The following KRTAP4-3 variants were observed in gnomAD, a reference collection of about 807,000 sequenced individuals.
KRTAP4-3 encodes the protein keratin-associated protein 4-3.
A neutral mutation model predicts 0.2 loss-of-function variants in KRTAP4-3; 2 were observed. The observed-to-expected ratio is 8.29, with a 90% CI of 3.39 to 26.09. The LOEUF is 26.09. Ranked by LOEUF, KRTAP4-3 falls within the 30% of genes most tolerant of loss-of-function variation. The pLI, the probability that KRTAP4-3 is intolerant of heterozygous loss-of-function variation, is 0.03. For missense variants in KRTAP4-3, 186 were observed against 247.4 expected, an observed-to-expected ratio of 0.75 and a Z score of 1.67; for synonymous variants, 65 against 83.6, an observed-to-expected ratio of 0.78 and a Z score of 1.21.
In KRTAP4-3 at chr17:41,168,168, A is replaced by G; in HGVS notation, c.5T>C (p.Val2Ala). Residue 2 changes from valine (V) to alanine (A), a missense_variant, in exon 1 of 1, where the codon GTC becomes GCC. By Grantham distance (64) the Val-to-Ala change is moderately conservative. Coordinates refer to ENST00000391356, the MANE Select transcript of KRTAP4-3 (RefSeq NM_033187.2). ...GCAGACAGAGCCACAGCAGGAGCTG[A>G]CCATGGCGTCAGAGGGTGGAGGTTC... MVSSCCGSVCSD... is the reference protein window; with the variant it reads MASSCCGSVCSD... 1 of 1,601,966 alleles carries G rather than the reference A, an allele frequency of 6.2e-7. No homozygotes were observed. Among genetic ancestry groups the G allele is most frequent in the South Asian group, 1.1e-5 (1 of 89,524 alleles).
At position 41,167,815 on chromosome 17, in the gene KRTAP4-3, A is replaced by C. The variant is rs1202650858; in HGVS notation, c.358T>G (p.Cys120Gly). 4 of 1,602,442 alleles carry C rather than the reference A, an allele frequency of 2.5e-6. No homozygotes were observed. The highest frequency in any genetic ancestry group is 1.7e-5 in the Admixed American group (1 of 58,444). Reference sequence around the variant, plus strand: ...GTGGTCTGGCAGCAGCTGGGTTTGCAACAGCTAGAGATACAGCAGGAAGGC... The same window carrying C: ...GTGGTCTGGCAGCAGCTGGGTTTGCCACAGCTAGAGATACAGCAGGAAGGC... ...CRPSCCISSC[C>G]KPSCCQTTCC... The change falls in exon 1 of 1, where the codon TGC (cysteine) becomes GGC (glycine). Residue 120 changes from cysteine (C) to glycine (G), a missense_variant. By Grantham distance (159) the Cys-to-Gly change is radical (BLOSUM62 -3). Transcript: ENST00000391356.
At position 41,167,304 on chromosome 17, in the gene KRTAP4-3, A is replaced by G. The variant is rs2015055471; in HGVS notation, c.*281T>C. On this transcript the variant is annotated 3_prime_UTR_variant, in exon 1 of 1. Coordinates refer to ENST00000391356, the MANE Select transcript of KRTAP4-3 (RefSeq NM_033187.2). ...CATGAAAATTGATACCACAGAAAACATTAGGAAGAAACATCTAGAAGGATA... is the reference window on the plus strand; with the variant it reads ...CATGAAAATTGATACCACAGAAAACGTTAGGAAGAAACATCTAGAAGGATA... The G allele has an allele frequency of 3.0e-6, 1 of 330,552 alleles. No homozygotes were observed. The highest frequency in any genetic ancestry group is 5.5e-6 in the Non-Finnish European group (1 of 182,834). 20.5% of individuals were successfully genotyped at this position (330,552 alleles called of 1,614,324 possible). A position where few individuals can be genotyped will look rare whatever the true frequency, so the allele number is the denominator to read the frequency against.
At position 41,167,719 on chromosome 17, in the gene KRTAP4-3, G is replaced by A. The variant is rs428371; in HGVS notation, c.454C>T (p.Pro152Ser). The change falls in exon 1 of 1, where the codon CCG becomes TCG. Residue 152 changes from proline (P) to serine (S), a missense_variant. Coordinates refer to ENST00000391356, the MANE Select transcript of KRTAP4-3 (RefSeq NM_033187.2). ...CAGCAACTAGAAATGCAGCAAGCCG[G>A]GCGGCAGCAGGAGGGCTGGCAGCAC... Reference protein sequence around the residue: ...PQCCQPSCCRPACCISSCCHP... With the variant: ...PQCCQPSCCRSACCISSCCHP... 29,451 of 1,613,794 alleles carry A rather than the reference G, an allele frequency of 0.018. 4,570 individuals carry two copies. In the African/African-American group the frequency reaches 0.34, roughly 19 times the overall value.
At position 41,168,219 on chromosome 17, in the gene KRTAP4-3, T is replaced by C; in HGVS notation, c.-47A>G. On this transcript the variant is annotated 5_prime_UTR_variant, in exon 1 of 1. Transcript: ENST00000391356. Reference sequence around the variant, plus strand: ...TGGGTGGGTTCCCAGGAGAATGAGGTTCTGGAGTTTAGAAGTCTCCTTGAG... The same window carrying C: ...TGGGTGGGTTCCCAGGAGAATGAGGCTCTGGAGTTTAGAAGTCTCCTTGAG... 6.6e-7 allele frequency: 1 copy of C among 1,524,440 alleles called. No individual in the cohort carries two copies. Among genetic ancestry groups the C allele is most frequent in the Non-Finnish European group, 8.9e-7 (1 of 1,127,188 alleles). 94.4% of individuals were successfully genotyped at this position (1,524,440 alleles called of 1,614,324 possible).
Position 41,167,774 on chromosome 17 carries a change from G to T in KRTAP4-3, c.399C>A (p.Ser133Arg). 6.2e-7 allele frequency: 1 copy of T among 1,613,472 alleles called. No individual in the cohort carries two copies. Among genetic ancestry groups the T allele is most frequent in the Non-Finnish European group, 8.5e-7 (1 of 1,179,740 alleles). ...GCCTGTAGCAGCTGGAGATACAGCA[G>T]CTGGGGCGGCAGCAGGTGGTCTGGC... ...SCCQTTCCRP[S>R]CCISSCYRPQ... Residue 133 changes from serine to arginine, a missense_variant, in exon 1 of 1, where the codon AGC (serine) becomes AGA (arginine). Transcript: ENST00000391356.
rs775885238 is a variant in KRTAP4-3 at position 41,167,662 on chromosome 17, A to T, written c.511T>A (p.Cys171Ser). 11 of 1,614,046 alleles carry T rather than the reference A, an allele frequency of 6.8e-6. 1 individual carries two copies. The South Asian group carries it at 1.1e-4, about 16-fold the overall frequency. The change falls in exon 1 of 1, where the codon TGC (cysteine) becomes AGC (serine). Residue 171 changes from cysteine to serine, a missense_variant. By Grantham distance (112) the Cys-to-Ser change is moderately radical. Around this residue, in one of 3 missense-constraint regions of KRTAP4-3, gnomAD observed 139 missense variants for 128.3 expected, o/e 1.08. Coordinates refer to ENST00000391356, the MANE Select transcript of KRTAP4-3 (RefSeq NM_033187.2). ...CAGGTGGTCGGGCAGCTGAAAGGGC[A>T]GCGGCAGCTGGACACACAGCAGCTG... ...HPSCCVSSCR[C>S]PFSCPTTCCR...
chr17:41,167,804 G>A lies in KRTAP4-3; in HGVS notation c.369C>T (p.Ser123=). Residue 123 remains serine, a synonymous_variant, in exon 1 of 1, where the codon AGC becomes AGT. Coordinates refer to ENST00000391356, the MANE Select transcript of KRTAP4-3 (RefSeq NM_033187.2). ...GGCGGCAGCAGGTGGTCTGGCAGCA[G>A]CTGGGTTTGCAACAGCTAGAGATAC... ...SCCISSCCKP[S]CCQTTCCRPS... The A allele has an allele frequency of 6.2e-7, 1 of 1,602,312 alleles. No homozygotes were observed. The highest frequency in any genetic ancestry group is 8.5e-7 in the Non-Finnish European group (1 of 1,176,228).
chr17:41,167,798 G>A lies in KRTAP4-3; in HGVS notation c.375C>T (p.Cys125=), dbSNP rs758371656. Residue 125 remains cysteine, a synonymous_variant, in exon 1 of 1, where the codon TGC becomes TGT. Transcript: ENST00000391356. ...CISSCCKPSC[C]QTTCCRPSCC... is the part of the protein sequence containing the mutation. ...AGCTGGGGCGGCAGCAGGTGGTCTG[G>A]CAGCAGCTGGGTTTGCAACAGCTAG... 224 of 1,602,414 alleles carry A rather than the reference G, an allele frequency of 1.4e-4. No individual in the cohort carries two copies. Among genetic ancestry groups the A allele is most frequent in the Non-Finnish European group, 1.9e-4 (222 of 1,176,322 alleles).
At position 41,167,958 on chromosome 17, in the gene KRTAP4-3, G is replaced by T. The variant is rs1472293373; in HGVS notation, c.215C>A (p.Pro72His). 1 of 1,233,300 alleles carries T rather than the reference G, an allele frequency of 8.1e-7. No homozygotes were observed. Among genetic ancestry groups the T allele is most frequent in the Non-Finnish European group, 1.1e-6 (1 of 892,064 alleles). 76.4% of individuals were successfully genotyped at this position (1,233,300 alleles called of 1,614,324 possible). The stretch of plus-strand genomic sequence containing the variant: ...GCAGCAACTGGAAATGCAGCAGCTG[G>T]GGCGGCAGCAGGTGGTCCTGCAGCA... ...PSCCRTTCCR[P>H]SCCISSCCRP... is the part of the protein sequence containing the mutation. The change falls in exon 1 of 1, where the codon CCC becomes CAC. Residue 72 changes from proline to histidine, a missense_variant. Around this residue, in one of 3 missense-constraint regions of KRTAP4-3, gnomAD observed 8 missense variants for 65.2 expected, o/e 0.12. Transcript: ENST00000391356.
Position 41,167,674 on chromosome 17 carries a change from A to G in KRTAP4-3, c.499T>C (p.Ser167Pro). Residue 167 changes from serine to proline, a missense_variant, in exon 1 of 1, where the codon TCC becomes CCC. Ser to Pro is a moderately conservative substitution (Grantham distance 74). Transcript: ENST00000391356. ...CAGCTGAAAGGGCAGCGGCAGCTGG[A>G]CACACAGCAGCTGGGATGACAGCAA... ...SSCCHPSCCV[S>P]SCRCPFSCPT... The G allele has an allele frequency of 6.2e-7, 1 of 1,614,064 alleles. No homozygotes were observed. The highest frequency in any genetic ancestry group is 8.5e-7 in the Non-Finnish European group (1 of 1,179,960).
rs2015062954 is a variant in KRTAP4-3, at chr17:41,167,792, G to A, written c.381C>T (p.Thr127=). 1.2e-6 allele frequency: 2 copies of A among 1,606,296 alleles called. No individual in the cohort carries two copies. The highest frequency in any genetic ancestry group is 1.7e-6 in the Non-Finnish European group (2 of 1,177,434). The part of the protein sequence containing the change: ...SSCCKPSCCQ[T]TCCRPSCCIS... ...TACAGCAGCTGGGGCGGCAGCAGGT[G>A]GTCTGGCAGCAGCTGGGTTTGCAAC... Residue 127 remains threonine (T), a synonymous_variant, in exon 1 of 1, where the codon ACC becomes ACT. Transcript: ENST00000391356.
rs750995377 is a variant in KRTAP4-3 at position 41,168,216 on chromosome 17, A to T, written c.-44T>A. 1.3e-6 allele frequency: 2 copies of T among 1,529,188 alleles called. No homozygotes were observed. Among genetic ancestry groups the T allele is most frequent in the Admixed American group, 3.9e-5 (2 of 50,906 alleles). 94.7% of individuals were successfully genotyped at this position (1,529,188 alleles called of 1,614,324 possible). On this transcript the variant is annotated 5_prime_UTR_variant, in exon 1 of 1. Coordinates refer to ENST00000391356, the MANE Select transcript of KRTAP4-3 (RefSeq NM_033187.2). ...TTCTGGGTGGGTTCCCAGGAGAATGAGGTTCTGGAGTTTAGAAGTCTCCTT... is the reference window on the plus strand; with the variant it reads ...TTCTGGGTGGGTTCCCAGGAGAATGTGGTTCTGGAGTTTAGAAGTCTCCTT...
At position 41,167,588 on chromosome 17, in the gene KRTAP4-3, G is replaced by A; in HGVS notation, c.585C>T (p.Cys195=). Residue 195 remains cysteine (C), a synonymous_variant, in exon 1 of 1, where the codon TGC becomes TGT. Coordinates refer to ENST00000391356, the MANE Select transcript of KRTAP4-3 (RefSeq NM_033187.2). ...FHPICCGSSC[C] The stretch of plus-strand genomic sequence containing the variant: ...CACAAATCCAGAGCAGCTTCACTCA[G>A]CAGCAAGAACTGCCGCAGCAGATGG... 3 of 1,600,186 alleles carry A rather than the reference G, an allele frequency of 1.9e-6. No homozygotes were observed. Among genetic ancestry groups the A allele is most frequent in the Non-Finnish European group, 2.6e-6 (3 of 1,171,022 alleles).
Position 41,167,490 on chromosome 17 carries a change from C to T in KRTAP4-3, c.*95G>A, listed in dbSNP as rs545103305. On this transcript the variant is annotated 3_prime_UTR_variant, in exon 1 of 1. Transcript: ENST00000391356. ...AAATCAGTCCATGCCTCTGTTTTCA[C>T]GACATCAGGAAGTCCACATGTTCTC... The T allele has an allele frequency of 1.9e-5, 19 of 980,592 alleles. No individual in the cohort carries two copies. The highest frequency in any genetic ancestry group is 5.0e-4 in the Middle Eastern group (2 of 4,010). The allele number at this position is 980,592 out of a possible 1,614,324, so 60.7% of individuals were successfully genotyped here. A position where few individuals can be genotyped will look rare whatever the true frequency, so the allele number is the denominator to read the frequency against.
At position 41,168,192 on chromosome 17, in the gene KRTAP4-3, T is replaced by C; in HGVS notation, c.-20A>G. On this transcript the variant is annotated 5_prime_UTR_variant, in exon 1 of 1. Coordinates refer to ENST00000391356, the MANE Select transcript of KRTAP4-3 (RefSeq NM_033187.2). ...GACCATGGCGTCAGAGGGTGGAGGT[T>C]CTGGGTGGGTTCCCAGGAGAATGAG... The C allele has an allele frequency of 6.3e-7, 1 of 1,581,046 alleles. No homozygotes were observed. Among genetic ancestry groups the C allele is most frequent in the Non-Finnish European group, 8.6e-7 (1 of 1,161,488 alleles).
At position 41,167,582 on chromosome 17, in the gene KRTAP4-3, C is replaced by A; in HGVS notation, c.*3G>T. 6.3e-7 allele frequency: 1 copy of A among 1,595,250 alleles called. No homozygotes were observed. Among genetic ancestry groups the A allele is most frequent in the Non-Finnish European group, 8.6e-7 (1 of 1,168,028 alleles). ...AAGGTGCACAAATCCAGAGCAGCTT[C>A]ACTCAGCAGCAAGAACTGCCGCAGC... On this transcript the variant is annotated 3_prime_UTR_variant, in exon 1 of 1. Coordinates refer to ENST00000391356, the MANE Select transcript of KRTAP4-3 (RefSeq NM_033187.2).
Position 41,167,712 on chromosome 17 carries a change from C to T in KRTAP4-3, c.461G>A (p.Cys154Tyr). 5.0e-6 allele frequency: 8 copies of T among 1,613,900 alleles called. No individual in the cohort carries two copies. The highest frequency in any genetic ancestry group is 6.8e-6 in the Non-Finnish European group (8 of 1,179,906). Reference sequence around the variant, plus strand: ...GGGATGACAGCAACTAGAAATGCAGCAAGCCGGGCGGCAGCAGGAGGGCTG... The same window carrying T: ...GGGATGACAGCAACTAGAAATGCAGTAAGCCGGGCGGCAGCAGGAGGGCTG... ...CCQPSCCRPA[C>Y]CISSCCHPSC... The change falls in exon 1 of 1, where the codon TGC becomes TAC. Residue 154 changes from cysteine (C) to tyrosine (Y), a missense_variant. Around this residue, in one of 3 missense-constraint regions of KRTAP4-3, gnomAD observed 139 missense variants for 128.3 expected, o/e 1.08. Coordinates refer to ENST00000391356, the MANE Select transcript of KRTAP4-3 (RefSeq NM_033187.2).
chr17:41,167,841 C>G lies in KRTAP4-3; in HGVS notation c.332G>C (p.Arg111Thr). 1 of 1,600,546 alleles carries G rather than the reference C, an allele frequency of 6.2e-7. No homozygotes were observed. The highest frequency in any genetic ancestry group is 1.1e-5 in the South Asian group (1 of 89,852). ...RPSCCISSCCRPSCCISSCCK... is the reference protein window; with the variant it reads ...RPSCCISSCCTPSCCISSCCK... ...ACAGCTAGAGATACAGCAGGAAGGC[C>G]TGCAGCAACTAGAAATGCAGCAGCT... Residue 111 changes from arginine (R) to threonine (T), a missense_variant, in exon 1 of 1, where the codon AGG becomes ACG. Physicochemically the swap from Arg to Thr is moderately conservative, Grantham distance 71. This residue lies in a region of KRTAP4-3 where 139 missense variants were observed against 128.3 expected (regional missense o/e 1.08). Transcript: ENST00000391356.
chr17:41,167,439 G>T lies in KRTAP4-3; in HGVS notation c.*146C>A, dbSNP rs764688965. On this transcript the variant is annotated 3_prime_UTR_variant, in exon 1 of 1. Coordinates refer to ENST00000391356, the MANE Select transcript of KRTAP4-3 (RefSeq NM_033187.2). Reference sequence around the variant, plus strand: ...TAGGAATAAAAACTTCTATAAAAGAGAATACATACTAATAAAATATTTTCC... The same window carrying T: ...TAGGAATAAAAACTTCTATAAAAGATAATACATACTAATAAAATATTTTCC... 3 of 624,854 alleles carry T rather than the reference G, an allele frequency of 4.8e-6. No homozygotes were observed. The highest frequency in any genetic ancestry group is 3.2e-5 in the Admixed American group (1 of 31,654). 38.7% of individuals were successfully genotyped at this position (624,854 alleles called of 1,614,324 possible). A position where few individuals can be genotyped will look rare whatever the true frequency, so the allele number is the denominator to read the frequency against.
Sources: allele counts gnomAD v4.1 joint callset, GRCh38; gene constraint gnomAD v4.1.1; regional missense constraint gnomAD v4.1.1; transcripts MANE v1.5; gene names NCBI Gene and HGNC (gene_info 2026-07-23, HGNC 2026-07-21).